CDH12: variants seen among roughly 807,000 people sequenced by gnomAD.
CDH12 encodes cadherin 12.
Under a neutral mutation model 74.1 loss-of-function variants are expected in CDH12, and 41 were observed. That is an observed-to-expected ratio of 0.55 (90% confidence interval 0.43 to 0.72). CDH12 has a LOEUF of 0.72. Among genes scored for constraint, CDH12 ranks in the 30% least tolerant of loss-of-function variants. The probability of loss-of-function intolerance (pLI) is 0.00; values close to 1 mark genes in which losing one functional copy is unlikely to be tolerated. For synonymous variants in CDH12, 399 were observed against 355.0 expected (o/e 1.12, Z -1.39); for missense variants, 945 against 977.2 (o/e 0.97, Z 0.44).
chr5:22,826,215 C>G (rs541488036), intron 1 of CDH12, among the ~76,000 whole-genome samples: 15 of 152,188 alleles, frequency 9.9e-5, no homozygotes, highest in African/African-American at 3.6e-4. Flanking sequence ...CTCATGAGAT[C>G]TGATGGTTTT....
At chr5:22,704,208 A>G (rs1311209258) in intron 1 of CDH12, among the ~76,000 whole-genome samples, 1 of 152,132 alleles carries the variant, frequency 6.6e-6, no homozygotes, top group Non-Finnish European at 1.5e-5. Flanking sequence ...ATCTTATCCT[A>G]TATATACAGA....
At chr5:22,684,694 A>C (rs1420236873) in intron 1 of CDH12, among the ~76,000 whole-genome samples, 2 of 152,224 alleles carry the variant, frequency 1.3e-5, no homozygotes, top group Admixed American at 1.3e-4. Context: ...AATTGGTGTT[A>C]AATTTCTGCA....
chr5:22,725,605 A>G (rs564546789), intron 1 of CDH12, among the ~76,000 whole-genome samples: 2 of 151,122 alleles, frequency 1.3e-5, no homozygotes, highest in Admixed American at 6.6e-5. Context: ...TTTTTTTTAT[A>G]TATATAAGGA....
At chr5:22,716,271 G>A (rs1743573637) in intron 1 of CDH12, among the ~76,000 whole-genome samples, 1 of 152,114 alleles carries the variant, frequency 6.6e-6, no homozygotes, top group Non-Finnish European at 1.5e-5. Context: ...TGGATGGTTG[G>A]TGAAGGGCAA....
At chr5:22,288,566 C>T (rs917090131) in intron 3 of CDH12, among the ~76,000 whole-genome samples, 9 of 152,034 alleles carry the variant, frequency 5.9e-5, no homozygotes, top group African/African-American at 2.2e-4. Context: ...TTTTGGAAGA[C>T]AGAAGAAGAA....
rs1279936944 is a variant in CDH12, at chr5:22,551,723, A to T, written c.-522-46359T>A. Among the ~76,000 whole-genome samples the T allele has an allele frequency of 2.1e-5, 3 of 145,192 alleles. No individual in the cohort carries two copies. In the East Asian group the frequency reaches 5.8e-4, roughly 28 times the overall value. On this transcript the variant is annotated intron_variant, in intron 1 of 14. Coordinates refer to ENST00000382254, the MANE Select transcript of CDH12 (RefSeq NM_004061.5). ...CTATGGAAAAAAGAAGCAACCCATT[A>T]TAAAAAAAATAAATAAACCAAAAAT...
intron 1 of CDH12, among the ~76,000 whole-genome samples, chr5:22,743,084 T>C (rs1417551757): frequency 2.0e-5 from 3 of 151,418 alleles, no homozygotes; most frequent in African/African-American, 7.3e-5. Flanking sequence ...ATTAGCTCTT[T>C]CCAGTACTTC....
intron 6 of CDH12, among the ~76,000 whole-genome samples, chr5:21,858,005 C>A (rs1246154221): frequency 6.7e-6 from 1 of 148,564 alleles, no homozygotes; most frequent in Non-Finnish European, 1.5e-5. Context: ...GAGAGGATCT[C>A]CTCTCTGTTG....
At chr5:22,375,428 A>G (rs1741478306) in intron 3 of CDH12, among the ~76,000 whole-genome samples, 1 of 152,154 alleles carries the variant, frequency 6.6e-6, no homozygotes, top group Non-Finnish European at 1.5e-5. Context: ...CAGACAACTA[A>G]CTGTAACACA....
chr5:22,065,288 C>T (rs1741478238), intron 5 of CDH12, among the ~76,000 whole-genome samples: 1 of 152,058 alleles, frequency 6.6e-6, no homozygotes, highest in Non-Finnish European at 1.5e-5. Flanking sequence ...TTCTAATTTA[C>T]CCAGACAGAA....
At chr5:22,715,993 C>T (rs1842008) in intron 1 of CDH12, among the ~76,000 whole-genome samples, 41,247 of 151,372 alleles carry the variant, frequency 0.27, 5,733 homozygotes, top group South Asian at 0.31. Context: ...AAAAATTAGC[C>T]GAGTGTGATG....
chr5:22,223,153 A>G (rs1752078091), intron 3 of CDH12, among the ~76,000 whole-genome samples: 1 of 151,980 alleles, frequency 6.6e-6, no homozygotes, highest in African/African-American at 2.4e-5. Context: ...AGAGTTAGGG[A>G]AATAGGCTGC....
chr5:22,103,897 G>C (rs750722716), intron 4 of CDH12, among the ~76,000 whole-genome samples: 2 of 152,174 alleles, frequency 1.3e-5, no homozygotes, highest in African/African-American at 4.8e-5. Context: ...ACATCTGCTT[G>C]TCAAGTTAGG....
At chr5:22,263,803 A>G (rs1283346100) in intron 3 of CDH12, among the ~76,000 whole-genome samples, 1 of 152,058 alleles carries the variant, frequency 6.6e-6, no homozygotes, top group African/African-American at 2.4e-5. Flanking sequence ...TATGAACTCT[A>G]CTTTATACAC....
At chr5:21,870,026 A>C (rs1257832384) in intron 6 of CDH12, among the ~76,000 whole-genome samples, 1 of 152,120 alleles carries the variant, frequency 6.6e-6, no homozygotes, top group Non-Finnish European at 1.5e-5. Context: ...AAATGAGTCC[A>C]CGAGATCTGA....
intron 8 of CDH12, among the ~76,000 whole-genome samples, chr5:21,833,256 ATAACATAT>A (rs1372779990): frequency 0.016 from 701 of 44,526 alleles, 207 homozygotes; most frequent in African/African-American, 0.049. Context: ...TATATATTAT[ATAACATAT>A]AATATATATT....
intron 5 of CDH12, among the ~76,000 whole-genome samples, chr5:21,982,852 GT>G (rs1483062094): frequency 6.6e-6 from 1 of 151,788 alleles, no homozygotes; most frequent in Non-Finnish European, 1.5e-5. Context: ...AATTGCTGTA[GT>G]TTTATTTTGC....
At chr5:21,813,368 T>G (rs1391551360) in intron 9 of CDH12, among the ~76,000 whole-genome samples, 2 of 152,002 alleles carry the variant, frequency 1.3e-5, no homozygotes, top group Non-Finnish European at 2.9e-5. Context: ...TAATCCCAAC[T>G]ACTTGGGAGG....
intron 1 of CDH12, among the ~76,000 whole-genome samples, chr5:22,532,360 T>TATATATATATATATATATATATATATAG: frequency 1.6e-5 from 1 of 63,886 alleles, no homozygotes; most frequent in African/African-American, 5.0e-5. Context: ...GATATATATA[T>TATATATATATATATATATATATATATAG]ATATATATAT....
Sources: allele counts gnomAD v4.1 joint callset (sites outside exome capture counted in the v4.1 genomes callset), GRCh38; gene constraint gnomAD v4.1.1; transcripts MANE v1.5; gene names NCBI Gene and HGNC (gene_info 2026-07-23, HGNC 2026-07-21).